The following SCHIP1 variants were observed in gnomAD, a reference collection of about 807,000 sequenced individuals.
SCHIP1 encodes the protein schwannomin-interacting protein 1.
SCHIP1 carries 8 observed loss-of-function variants against 29.7 expected under a neutral mutation model. The observed-to-expected ratio is 0.27, with a 90% CI of 0.16 to 0.49. The LOEUF (loss-of-function observed/expected upper bound fraction) is 0.49, where lower values mean the gene tolerates loss of function less well. SCHIP1 is among the 20% of genes least tolerant of loss of function. The pLI is 0.99. For synonymous variants in SCHIP1, 76 were observed against 94.9 expected, an observed-to-expected ratio of 0.80 and a Z score of 1.16; for missense variants, 193 against 294.6, an observed-to-expected ratio of 0.66 and a Z score of 2.52.
the SCHIP1 span, among the ~76,000 whole-genome samples, chr3:159,670,398 T>C: frequency 6.6e-6 from 1 of 152,220 alleles, no homozygotes; most frequent in South Asian, 2.1e-4. Flanking sequence ...TTACAAAGTA[T>C]ATCAATGTTT....
chr3:159,682,923 C>CAGCT, the SCHIP1 span, among the ~76,000 whole-genome samples: 1 of 152,118 alleles, frequency 6.6e-6, no homozygotes, highest in Non-Finnish European at 1.5e-5. Context: ...GGGAAATATT[C>CAGCT]AGCTATAAGA....
At chr3:159,500,720 A>T in the SCHIP1 span, among the ~76,000 whole-genome samples, 75 of 152,022 alleles carry the variant, frequency 4.9e-4, 1 homozygote, top group East Asian at 0.012. Context: ...CTCAAAAAAA[A>T]AAAAAGAAAA....
At chr3:159,674,480 T>C in the SCHIP1 span, among the ~76,000 whole-genome samples, 23 of 151,522 alleles carry the variant, frequency 1.5e-4, no homozygotes, top group African/African-American at 5.6e-4. Context: ...ATACAACAAC[T>C]GGAAGTCCCG....
the SCHIP1 span, among the ~76,000 whole-genome samples, chr3:159,617,767 A>G: frequency 0.063 from 9,561 of 152,110 alleles, 1,015 homozygotes; most frequent in African/African-American, 0.21. Flanking sequence ...TGAGTCTCAT[A>G]TTTTATACAG....
At chr3:159,711,612 G>C in the SCHIP1 span, among the ~76,000 whole-genome samples, 1 of 152,074 alleles carries the variant, frequency 6.6e-6, no homozygotes, top group Non-Finnish European at 1.5e-5. Context: ...ATGTAACCTA[G>C]AGCCTATTGC....
the SCHIP1 span, among the ~76,000 whole-genome samples, chr3:159,649,893 C>G: frequency 0.018 from 2,692 of 152,230 alleles, 81 homozygotes; most frequent in African/African-American, 0.062. Context: ...TAACACAATC[C>G]TGAATATATG....
At chr3:159,631,032 T>C in the SCHIP1 span, among the ~76,000 whole-genome samples, 3 of 152,076 alleles carry the variant, frequency 2.0e-5, no homozygotes, top group African/African-American at 7.2e-5. Flanking sequence ...AAAAGATATC[T>C]ATCCAAAGAA....
intron 2 of SCHIP1, among the ~76,000 whole-genome samples, chr3:159,882,626 G>T (rs1716559459): frequency 6.6e-6 from 1 of 152,130 alleles, no homozygotes; most frequent in African/African-American, 2.4e-5. Flanking sequence ...GGAATAAACT[G>T]CTCTTGTCCC....
At chr3:159,846,261 C>A (rs1407249378) in intron 1 of SCHIP1, among the ~76,000 whole-genome samples, 3 of 152,134 alleles carry the variant, frequency 2.0e-5, no homozygotes, top group Non-Finnish European at 4.4e-5. Flanking sequence ...AATGTTTCAG[C>A]CCAATTGAGG....
chr3:159,390,562 A>T, the SCHIP1 span, among the ~76,000 whole-genome samples: 4 of 152,128 alleles, frequency 2.6e-5, no homozygotes, highest in African/African-American at 4.8e-5. Flanking sequence ...GAACTTATTT[A>T]AAAAAACAAA....
the SCHIP1 span, among the ~76,000 whole-genome samples, chr3:159,810,977 T>C: frequency 1.3e-5 from 2 of 152,268 alleles, no homozygotes; most frequent in East Asian, 3.8e-4. Context: ...TTATTTTGTC[T>C]TTTTATTATA....
At chr3:159,744,621 C>G in the SCHIP1 span, among the ~76,000 whole-genome samples, 31 of 152,276 alleles carry the variant, frequency 2.0e-4, no homozygotes, top group Admixed American at 1.7e-3. Flanking sequence ...TCTCTGGAAG[C>G]TGGCATTCTA....
chr3:159,388,752 G>A, the SCHIP1 span, among the ~76,000 whole-genome samples: 1 of 152,040 alleles, frequency 6.6e-6, no homozygotes, highest in African/African-American at 2.4e-5. Context: ...GACTTCACAG[G>A]TTAACTCATA....
the SCHIP1 span, among the ~76,000 whole-genome samples, chr3:159,618,904 C>T: frequency 1.3e-5 from 2 of 152,220 alleles, no homozygotes; most frequent in African/African-American, 4.8e-5. Context: ...CCGTTTTCCC[C>T]TTTGATTGGC....
chr3:159,689,662 C>A, the SCHIP1 span, among the ~76,000 whole-genome samples: 1 of 152,208 alleles, frequency 6.6e-6, no homozygotes, highest in Non-Finnish European at 1.5e-5. Context: ...GAGAGGGCAT[C>A]CTTGTCGTGT....
At chr3:159,420,293 A>G in the SCHIP1 span, among the ~76,000 whole-genome samples, 1 of 152,320 alleles carries the variant, frequency 6.6e-6, no homozygotes, top group South Asian at 2.1e-4. Context: ...AGGCTTTGAA[A>G]TGAGGATTGG....
At chr3:159,718,192 G>A in the SCHIP1 span, among the ~76,000 whole-genome samples, 15 of 152,014 alleles carry the variant, frequency 9.9e-5, no homozygotes, top group Admixed American at 3.3e-4. Context: ...CCTTTCATGC[G>A]AAAAACTCTC....
At chr3:159,864,470 TACACACAC>T (rs58371525) in intron 1 of SCHIP1, among the ~76,000 whole-genome samples, 19,839 of 139,820 alleles carry the variant, frequency 0.14, 1,373 homozygotes, top group Non-Finnish European at 0.18. Flanking sequence ...ATGGCTGTAC[TACACACAC>T]ACACACACAC....
the SCHIP1 span, among the ~76,000 whole-genome samples, chr3:159,527,131 A>G: frequency 6.6e-6 from 1 of 152,150 alleles, no homozygotes; most frequent in African/African-American, 2.4e-5. Context: ...ATTCCCTTTC[A>G]CAACTTTCTG....
Sources: allele counts gnomAD v4.1 joint callset (sites outside exome capture counted in the v4.1 genomes callset), GRCh38; gene constraint gnomAD v4.1.1; transcripts MANE v1.5; gene names NCBI Gene and HGNC (gene_info 2026-07-23, HGNC 2026-07-21).